The following EGLN1 variants were observed in gnomAD, a reference collection of about 807,000 sequenced individuals.
EGLN1 encodes the protein egl-9 family hypoxia inducible factor 1.
Under a neutral mutation model 38.3 loss-of-function variants are expected in EGLN1, and 17 were observed. The ratio of observed to expected loss-of-function variants is 0.44; its 90% CI spans 0.30 to 0.67. The LOEUF (loss-of-function observed/expected upper bound fraction) is 0.67. Among genes scored for constraint, EGLN1 ranks in the 30% least tolerant of loss-of-function variants. The pLI, the probability that EGLN1 is intolerant of heterozygous loss-of-function variation, is 0.08. For synonymous variants in EGLN1, 283 were observed against 257.5 expected, an observed-to-expected ratio of 1.10 and a Z score of -0.95; for missense variants, 477 against 603.3, an observed-to-expected ratio of 0.79 and a Z score of 2.19.
At chr1:231,399,582 G>A (rs1258514278) in intron 1 of EGLN1, among the ~76,000 whole-genome samples, 2 of 152,202 alleles carry the variant, frequency 1.3e-5, no homozygotes, top group East Asian at 3.8e-4. Context: ...GCCAACAGGG[G>A]AGAGGCGAGT....
At chr1:231,374,566 C>T (rs1402946483) in intron 1 of EGLN1, among the ~76,000 whole-genome samples, 2 of 150,020 alleles carry the variant, frequency 1.3e-5, no homozygotes, top group East Asian at 2.0e-4. Flanking sequence ...TGCTCAGGTT[C>T]GAGTGCAGTG....
chr1:231,395,332 T>C (rs1420824623), intron 1 of EGLN1, among the ~76,000 whole-genome samples: 2 of 152,258 alleles, frequency 1.3e-5, no homozygotes, highest in East Asian at 3.8e-4. Flanking sequence ...AAAGAATCTT[T>C]AGTGTCTCAG....
intron 1 of EGLN1, among the ~76,000 whole-genome samples, chr1:231,412,533 A>G (rs1455144488): frequency 6.6e-6 from 1 of 152,238 alleles, no homozygotes. Context: ...CATGCAAGGA[A>G]GCACAGACAT....
At chr1:231,388,165 T>C (rs910875879) in intron 1 of EGLN1, among the ~76,000 whole-genome samples, 10 of 152,120 alleles carry the variant, frequency 6.6e-5, no homozygotes, top group South Asian at 2.1e-4. Context: ...AAAACAAAAA[T>C]TGAGTACCAC....
intron 3 of EGLN1, among the ~76,000 whole-genome samples, chr1:231,370,109 C>T (rs577098590): frequency 9.8e-5 from 15 of 152,326 alleles, no homozygotes; most frequent in African/African-American, 3.6e-4. Flanking sequence ...TTCTGTTTTT[C>T]TCTTCACTTC....
chr1:231,408,292 A>G (rs1411492960), intron 1 of EGLN1, among the ~76,000 whole-genome samples: 3 of 152,096 alleles, frequency 2.0e-5, no homozygotes, highest in South Asian at 2.1e-4. Context: ...GAATTCACAG[A>G]TGTGCTGGGA....
In EGLN1 at chr1:231,368,847, A is replaced by G. The variant is rs150206798; in HGVS notation, c.1149-1211T>C. ...TGAATCACAGAGCTGAGGTCTAAGG[A>G]GGTCTCCTGACTTCCAGACCAGACT... On this transcript the variant is annotated intron_variant, in intron 3 of 4. Coordinates refer to ENST00000366641, the MANE Select transcript of EGLN1 (RefSeq NM_022051.3). 2.8e-3 allele frequency among the ~76,000 whole-genome samples: 425 copies of G among 152,290 alleles called. 3 individuals are homozygous for G. Among genetic ancestry groups the G allele is most frequent in the African/African-American group, 9.7e-3 (404 of 41,564 alleles).
rs1380829563 is a variant in EGLN1 at position 231,420,806 on chromosome 1, G to A, written c.891+192C>T. Among the ~76,000 whole-genome samples, 3 of 152,098 alleles carry A rather than the reference G, an allele frequency of 2.0e-5. 1 individual carries two copies. The highest frequency in any genetic ancestry group is 7.2e-5 in the African/African-American group (3 of 41,398). On this transcript the variant is annotated intron_variant, in intron 1 of 4. Transcript: ENST00000366641. ...AACGGGCAGTAAGTGGAAAACAGTG[G>A]ATACAAAGGGGCTAACTAGATAAAC...
Position 231,422,100 on chromosome 1 carries a change from T to G in EGLN1, c.-212A>C. 4.8e-6 allele frequency: 2 copies of G among 412,892 alleles called. No individual in the cohort carries two copies. Among genetic ancestry groups the G allele is most frequent in the South Asian group, 1.1e-4 (2 of 18,156 alleles). The allele number at this position is 412,892 out of a possible 1,614,324, so 25.6% of individuals were successfully genotyped here. A position where few individuals can be genotyped will look rare whatever the true frequency, so the allele number is the denominator to read the frequency against. On this transcript the variant is annotated 5_prime_UTR_variant, in exon 1 of 5. It removes the in-frame stop codon of an upstream open reading frame in the 5' UTR. Coordinates refer to ENST00000366641, the MANE Select transcript of EGLN1 (RefSeq NM_022051.3). ...CTCCGGCGCAGCGCCGGCAGCCGCC[T>G]CAGCGCCTCATCGCCGCCGAGGGCT...
intron 1 of EGLN1, among the ~76,000 whole-genome samples, chr1:231,401,328 A>G (rs1688657618): frequency 1.3e-5 from 2 of 152,190 alleles, no homozygotes; most frequent in African/African-American, 2.4e-5. Flanking sequence ...GGTTGCTATG[A>G]TAATTAAATG....
intron 1 of EGLN1, among the ~76,000 whole-genome samples, chr1:231,378,624 A>G (rs1426017166): frequency 6.6e-6 from 1 of 152,192 alleles, no homozygotes; most frequent in African/African-American, 2.4e-5. Context: ...GATAGGAAAC[A>G]GCATAAATTT....
Position 231,369,399 on chromosome 1 carries a change from A to T in EGLN1, c.1148+1163T>A, listed in dbSNP as rs114110747. On this transcript the variant is annotated intron_variant, in intron 3 of 4. Transcript: ENST00000366641. ...GTAACCAAACCAAACTCAGGATTTC[A>T]TAAAAAGGAAGGTCTATGAGGCAGT... Among the ~76,000 whole-genome samples, 1,212 of 152,330 alleles carry T rather than the reference A, an allele frequency of 8.0e-3. 19 individuals carry two copies. The highest frequency in any genetic ancestry group is 0.028 in the African/African-American group (1,149 of 41,558).
At chr1:231,380,303 G>A (rs549530128) in intron 1 of EGLN1, among the ~76,000 whole-genome samples, 4 of 121,600 alleles carry the variant, frequency 3.3e-5, no homozygotes, top group African/African-American at 5.9e-5. Flanking sequence ...GCGACAGAGC[G>A]AGACTCCGTC....
At chr1:231,367,077 T>C (rs1291230379) in intron 4 of EGLN1, among the ~76,000 whole-genome samples, 1 of 152,236 alleles carries the variant, frequency 6.6e-6, no homozygotes, top group Non-Finnish European at 1.5e-5. Context: ...ATGTACACCA[T>C]TAGCAGATAT....
intron 2 of EGLN1, 82 bp downstream of exon 2, chr1:231,373,898 T>G: frequency 6.6e-7 from 1 of 1,513,282 alleles, no homozygotes; most frequent in Non-Finnish European, 9.1e-7. Flanking sequence ...TCTGTGACAG[T>G]CTTATCAGAA....
chr1:231,421,780 G>C lies in EGLN1; in HGVS notation c.109C>G (p.Arg37Gly). ...TCCTTGCAGCAGTAGAAGGAGCTGC[G>C]GCAGCGGCTGCAGCGCAGCAGGTTC... ...MENLLRCSRC[R>G]SSFYCCKEHQ... The change falls in exon 1 of 5, where the codon CGC becomes GGC. Residue 37 changes from arginine to glycine, a missense_variant. By Grantham distance (125) the Arg-to-Gly change is moderately radical. Around this residue, in one of 4 missense-constraint regions of EGLN1, gnomAD observed 298 missense variants for 288.9 expected, o/e 1.03. Coordinates refer to ENST00000366641, the MANE Select transcript of EGLN1 (RefSeq NM_022051.3). This position sits in a 1 kb window ranked among gnomAD's most constrained non-coding sequence, Gnocchi z 5.5. The C allele has an allele frequency of 6.4e-7, 1 of 1,557,550 alleles. No individual in the cohort carries two copies. The highest frequency in any genetic ancestry group is 8.6e-7 in the Non-Finnish European group (1 of 1,161,786).
At chr1:231,410,816 A>C (rs894259457) in intron 1 of EGLN1, among the ~76,000 whole-genome samples, 1 of 136,014 alleles carries the variant, frequency 7.4e-6, no homozygotes, top group African/African-American at 2.7e-5. Context: ...GGGGTGGTTA[A>C]TAGAGCTATT....
At chr1:231,381,310 A>C (rs1443638411) in intron 1 of EGLN1, among the ~76,000 whole-genome samples, 2 of 152,212 alleles carry the variant, frequency 1.3e-5, no homozygotes, top group Non-Finnish European at 2.9e-5. Flanking sequence ...ATGTTAATAC[A>C]AAGTTTTTAT....
Position 231,420,103 on chromosome 1 carries a change from T to C in EGLN1, c.891+895A>G, listed in dbSNP as rs1227094836. ...TTATCATGAGGGAGGAAAGAGGGAATAGACTAGGTAAGAAGTGAAGAAATC... is the reference window on the plus strand; with the variant it reads ...TTATCATGAGGGAGGAAAGAGGGAACAGACTAGGTAAGAAGTGAAGAAATC... On this transcript the variant is annotated intron_variant, in intron 1 of 4. Coordinates refer to ENST00000366641, the MANE Select transcript of EGLN1 (RefSeq NM_022051.3). 5 of 151,980 alleles carry C rather than the reference T, an allele frequency of 3.3e-5. No individual in the cohort carries two copies. In the South Asian group the frequency reaches 6.2e-4, roughly 19 times the overall value. The allele number at this position is 151,980 out of a possible 1,614,324, so 9.4% of individuals were successfully genotyped here.
Sources: gnomAD v4.1 joint callset for allele counts (sites outside exome capture counted in the v4.1 genomes callset) on GRCh38, gnomAD v4.1.1 for gene constraint, gnomAD v4.1.1 regional missense constraint, Gnocchi (gnomAD v3.1) non-coding constraint, MANE v1.5 for transcripts, NCBI Gene and HGNC (gene_info 2026-07-23, HGNC 2026-07-21) for gene names.